RABGEF1: variants seen among roughly 807,000 people sequenced by gnomAD.
The protein encoded by RABGEF1 is RAB guanine nucleotide exchange factor 1.
Under a neutral mutation model 57.3 loss-of-function variants are expected in RABGEF1, and 26 were observed. The ratio of observed to expected loss-of-function variants is 0.45; its 90% CI spans 0.33 to 0.63. The LOEUF (loss-of-function observed/expected upper bound fraction) is 0.63, where lower values mean the gene tolerates loss of function less well. Ranked by LOEUF, RABGEF1 falls within the 20% of genes least tolerant of loss-of-function variation. RABGEF1 has a pLI of 0.02. For synonymous variants in RABGEF1, 185 were observed against 210.7 expected (o/e 0.88, Z 1.06); for missense variants, 464 against 607.6 (o/e 0.76, Z 2.48).
chr7:66,743,584 C>T (rs192919161), intron 1 of RABGEF1, among the ~76,000 whole-genome samples: 12 of 152,144 alleles, frequency 7.9e-5, no homozygotes, highest in African/African-American at 2.7e-4. Context: ...TCACTGCAAG[C>T]TCCCCCTCCT....
At chr7:66,757,138 C>A (rs1802923347) in intron 1 of RABGEF1, among the ~76,000 whole-genome samples, 2 of 152,144 alleles carry the variant, frequency 1.3e-5, no homozygotes, top group Admixed American at 1.3e-4. Flanking sequence ...GACACTGTTA[C>A]AACATTTATT....
At chr7:66,748,192 T>C (rs1800667182) in intron 1 of RABGEF1, among the ~76,000 whole-genome samples, 1 of 152,246 alleles carries the variant, frequency 6.6e-6, no homozygotes, top group Non-Finnish European at 1.5e-5. Context: ...GTAAAACTCC[T>C]TATTGGCTTT....
At chr7:66,702,878 T>A (rs1162137228) in intron 1 of RABGEF1, among the ~76,000 whole-genome samples, 2 of 152,238 alleles carry the variant, frequency 1.3e-5, no homozygotes, top group Admixed American at 1.3e-4. Flanking sequence ...GGAAACTAGA[T>A]CCTTATTAGC....
chr7:66,792,760 C>G (rs1485717587), intron 4 of RABGEF1, among the ~76,000 whole-genome samples: 1 of 152,102 alleles, frequency 6.6e-6, no homozygotes, highest in Non-Finnish European at 1.5e-5. Context: ...TAATAAATGG[C>G]CACATTTATT....
chr7:66,674,484 G>A, the RABGEF1 span, among the ~76,000 whole-genome samples: 6 of 151,930 alleles, frequency 3.9e-5, no homozygotes, highest in African/African-American at 9.7e-5. Flanking sequence ...CACTGCGCCC[G>A]TCCTAAAGGT....
At chr7:66,724,158 G>T (rs895389351) in intron 2 of RABGEF1, among the ~76,000 whole-genome samples, 1 of 151,846 alleles carries the variant, frequency 6.6e-6, no homozygotes, top group Non-Finnish European at 1.5e-5. Flanking sequence ...TTTCCCCCCA[G>T]CACTCTAAAG....
chr7:66,754,571 T>C (rs1460068258), intron 1 of RABGEF1, among the ~76,000 whole-genome samples: 1 of 151,366 alleles, frequency 6.6e-6, no homozygotes, highest in Admixed American at 6.6e-5. Context: ...GGGTGAGACC[T>C]TGTAGCTACA....
intron 1 of RABGEF1, among the ~76,000 whole-genome samples, chr7:66,710,262 A>C: frequency 6.6e-6 from 1 of 152,158 alleles, no homozygotes; most frequent in Non-Finnish European, 1.5e-5. Context: ...GATATACCAC[A>C]ATTTTTTAAT....
chr7:66,705,984 G>A (rs932811440), intron 1 of RABGEF1, among the ~76,000 whole-genome samples: 2 of 135,600 alleles, frequency 1.5e-5, no homozygotes. Context: ...CTCACTGCAA[G>A]CTCCGCTTCC....
chr7:66,746,154 T>C (rs529890371), intron 1 of RABGEF1, among the ~76,000 whole-genome samples: 6 of 152,388 alleles, frequency 3.9e-5, no homozygotes, highest in East Asian at 1.9e-4. Context: ...ATTTAACTTA[T>C]GTTTATCTCT....
intron 1 of RABGEF1, among the ~76,000 whole-genome samples, chr7:66,708,482 T>G (rs563151393): frequency 2.4e-4 from 37 of 152,062 alleles, no homozygotes; most frequent in Middle Eastern, 6.8e-3. Context: ...GAGACGGGGT[T>G]TCACCATGTT....
At chr7:66,686,661 T>C (rs1392500611) in intron 1 of RABGEF1, among the ~76,000 whole-genome samples, 2 of 152,186 alleles carry the variant, frequency 1.3e-5, no homozygotes, top group East Asian at 1.9e-4. Context: ...ATTTAACTTA[T>C]GTTTATTTGT....
intron 2 of RABGEF1, among the ~76,000 whole-genome samples, chr7:66,716,459 G>GGT: frequency 6.6e-6 from 1 of 152,228 alleles, no homozygotes; most frequent in East Asian, 1.9e-4. Context: ...AAATTAGCTA[G>GGT]GTGTGGCGGC....
chr7:66,664,768 G>A, the RABGEF1 span, among the ~76,000 whole-genome samples: 3 of 152,200 alleles, frequency 2.0e-5, no homozygotes, highest in African/African-American at 4.8e-5. Flanking sequence ...GGCGGCTGCC[G>A]CTTAAGTAGC....
At chr7:66,710,990 T>G (rs994995021) in intron 1 of RABGEF1, among the ~76,000 whole-genome samples, 6 of 150,020 alleles carry the variant, frequency 4.0e-5, no homozygotes, top group Non-Finnish European at 3.0e-5. Context: ...AAAAAAAAAA[T>G]AATAAAGGAA....
At chr7:66,696,977 A>G (rs1792441863) in intron 1 of RABGEF1, among the ~76,000 whole-genome samples, 1 of 152,176 alleles carries the variant, frequency 6.6e-6, no homozygotes, top group Admixed American at 6.5e-5. Context: ...GGGAGTCTCC[A>G]TGGTGCAGCC....
intron 1 of RABGEF1, among the ~76,000 whole-genome samples, chr7:66,743,565 G>A (rs539084457): frequency 2.6e-5 from 4 of 152,006 alleles, no homozygotes; most frequent in South Asian, 4.2e-4. Context: ...GCAGTGGCGC[G>A]ATCTCGGCTC....
At chr7:66,786,404 CCTTTT>C (rs1562853211) in intron 4 of RABGEF1, among the ~76,000 whole-genome samples, 1 of 152,074 alleles carries the variant, frequency 6.6e-6, no homozygotes, top group Admixed American at 6.6e-5. Context: ...CCTTTCCTTT[CCTTTT>C]CTTTCTTTTT....
upstream of RABGEF1, among the ~76,000 whole-genome samples, chr7:66,678,341 G>A (rs1471073265): frequency 1.3e-5 from 2 of 151,922 alleles, no homozygotes; most frequent in African/African-American, 2.4e-5. Context: ...CGAGGTGGGC[G>A]GATCACGAGG....
Sources: allele counts gnomAD v4.1 joint callset (sites outside exome capture counted in the v4.1 genomes callset), GRCh38; gene constraint gnomAD v4.1.1; transcripts MANE v1.5; gene names NCBI Gene and HGNC (gene_info 2026-07-23, HGNC 2026-07-21).